The following NELL1 variants were observed in gnomAD, a reference collection of about 807,000 sequenced individuals.
NELL1 encodes protein kinase C-binding protein NELL1.
Under a neutral mutation model 107.4 loss-of-function variants are expected in NELL1, and 76 were observed. The observed-to-expected ratio is 0.71, with a 90% confidence interval of 0.59 to 0.86. The LOEUF is 0.86. NELL1 is among the 40% of genes least tolerant of loss of function. NELL1 has a pLI of 0.00. For missense variants in NELL1, 1,024 were observed against 1,005.5 expected (o/e 1.02, Z -0.25); for synonymous variants, 353 against 341.2 (o/e 1.03, Z -0.38).
chr11:20,997,780 C>G (rs988144838), intron 12 of NELL1, among the ~76,000 whole-genome samples: 9 of 151,922 alleles, frequency 5.9e-5, no homozygotes, highest in Non-Finnish European at 1.3e-4. Flanking sequence ...TCAGGACCAG[C>G]CTGGGTAACA....
intron 14 of NELL1, among the ~76,000 whole-genome samples, chr11:21,297,217 G>A (rs556204603): frequency 7.2e-5 from 11 of 152,032 alleles, no homozygotes; most frequent in Non-Finnish European, 1.5e-4. Context: ...GGAAAGAAAT[G>A]CAAAGGAATT....
chr11:21,408,557 C>G (rs1457554329), intron 15 of NELL1, among the ~76,000 whole-genome samples: 1 of 152,022 alleles, frequency 6.6e-6, no homozygotes, highest in Admixed American at 6.6e-5. Context: ...ATTGTAGATT[C>G]TGGATATTAG....
chr11:20,780,701 T>A (rs1456645946), intron 2 of NELL1, among the ~76,000 whole-genome samples: 2 of 152,204 alleles, frequency 1.3e-5, no homozygotes, highest in Non-Finnish European at 2.9e-5. Context: ...AGAGAGACAT[T>A]AATGCAGAGT....
chr11:21,350,890 C>T (rs1013559197), intron 14 of NELL1, among the ~76,000 whole-genome samples: 3 of 152,044 alleles, frequency 2.0e-5, no homozygotes, highest in African/African-American at 7.2e-5. Flanking sequence ...AAAAATATGT[C>T]CAAGTCCTAA....
intron 13 of NELL1, among the ~76,000 whole-genome samples, chr11:21,172,408 T>C (rs1856626249): frequency 6.6e-6 from 1 of 151,884 alleles, no homozygotes; most frequent in African/African-American, 2.4e-5. Flanking sequence ...CAAGGTCTAG[T>C]GAAATGTGAC....
At chr11:21,379,983 G>T (rs1851572546) in intron 15 of NELL1, among the ~76,000 whole-genome samples, 1 of 152,052 alleles carries the variant, frequency 6.6e-6, no homozygotes, top group Non-Finnish European at 1.5e-5. Flanking sequence ...CCATAACAGA[G>T]AATACAATAT....
chr11:21,463,769 A>C (rs1013032236), intron 15 of NELL1, among the ~76,000 whole-genome samples: 1 of 152,108 alleles, frequency 6.6e-6, no homozygotes, highest in Admixed American at 6.6e-5. Flanking sequence ...TCTTCGGGTA[A>C]AGAATTCAGA....
rs1384349128 is a variant in NELL1, at chr11:21,026,098, C to T, written c.1300+65538C>T. 2.0e-5 allele frequency among the ~76,000 whole-genome samples: 3 copies of T among 152,138 alleles called. No homozygotes were observed. The East Asian group carries it at 5.8e-4, about 29-fold the overall frequency. On this transcript the variant is annotated intron_variant, in intron 12 of 19. Transcript: ENST00000357134. ...CTCTGTTATTGCATTAGTCTCTTAA[C>T]TCTTCTCTCTGTTTCTGCCCAATCT...
At chr11:20,796,650 C>T (rs1360915944) in intron 3 of NELL1, among the ~76,000 whole-genome samples, 1 of 151,996 alleles carries the variant, frequency 6.6e-6, no homozygotes, top group Non-Finnish European at 1.5e-5. Flanking sequence ...GACTATGATC[C>T]GAGTAGACCG....
rs542612486 is a variant in NELL1 at position 21,543,769 on chromosome 11, T to C, written c.1786+9255T>C. Among the ~76,000 whole-genome samples, 92 of 152,094 alleles carry C rather than the reference T, an allele frequency of 6.0e-4. 2 individuals are homozygous for C. In the South Asian group the frequency reaches 0.019, roughly 32 times the overall value. The stretch of plus-strand genomic sequence containing the variant: ...TGGGAAGACAAGCGCACCTCCTCCG[T>C]TTCGATGATAATCACTTCACAAAGT... On this transcript the variant is annotated intron_variant, in intron 16 of 19. Coordinates refer to ENST00000357134, the MANE Select transcript of NELL1 (RefSeq NM_006157.5).
intron 14 of NELL1, among the ~76,000 whole-genome samples, chr11:21,246,826 C>T (rs1303964155): frequency 6.6e-6 from 1 of 152,094 alleles, no homozygotes; most frequent in East Asian, 1.9e-4. Context: ...AGGCAAAAGG[C>T]ACACCTTACA....
chr11:20,833,054 G>A (rs1858046853), intron 3 of NELL1, among the ~76,000 whole-genome samples: 1 of 152,192 alleles, frequency 6.6e-6, no homozygotes, highest in African/African-American at 2.4e-5. Flanking sequence ...ATGGGACAGA[G>A]TGGTCTGTGT....
intron 14 of NELL1, chr11:21,284,748 C>A (rs747534154): frequency 1.2e-5 from 4 of 345,716 alleles, no homozygotes; most frequent in South Asian, 4.4e-5. Context: ...CAATACAAAT[C>A]TGGCAAACCC....
intron 15 of NELL1, among the ~76,000 whole-genome samples, chr11:21,484,850 T>C (rs1175093218): frequency 6.6e-6 from 1 of 152,108 alleles, no homozygotes; most frequent in East Asian, 1.9e-4. Context: ...TTAGTACACA[T>C]GTCTTCCATG....
At chr11:21,211,206 A>G (rs1857489828) in intron 13 of NELL1, among the ~76,000 whole-genome samples, 1 of 152,202 alleles carries the variant, frequency 6.6e-6, no homozygotes, top group African/African-American at 2.4e-5. Context: ...TGCCTCACTC[A>G]AGGAAATTAA....
intron 15 of NELL1, among the ~76,000 whole-genome samples, chr11:21,487,444 T>C (rs559245413): frequency 6.7e-6 from 1 of 148,548 alleles, no homozygotes; most frequent in South Asian, 2.2e-4. Context: ...CCTACTAAAA[T>C]TGATTAAGGG....
At chr11:21,226,795 A>G (rs188616030) in intron 13 of NELL1, among the ~76,000 whole-genome samples, 192 of 152,344 alleles carry the variant, frequency 1.3e-3, no homozygotes, top group African/African-American at 4.5e-3. Flanking sequence ...TTCATGGTCT[A>G]GAGAAAAAGT....
rs562309458 is a variant in NELL1, at chr11:21,338,864, C to A, written c.1550-31989C>A. ...TTGGTCTCAGTGATCCAGGGATGGG[C>A]TTTAGGAAGCCTGTGAATCCCCAGA... On this transcript the variant is annotated intron_variant, in intron 14 of 19. Transcript: ENST00000357134. 2.0e-5 allele frequency among the ~76,000 whole-genome samples: 3 copies of A among 152,204 alleles called. No homozygotes were observed. The South Asian group carries it at 6.2e-4, about 32-fold the overall frequency.
At chr11:21,338,676 G>A (rs1042334187) in intron 14 of NELL1, among the ~76,000 whole-genome samples, 9 of 146,526 alleles carry the variant, frequency 6.1e-5, no homozygotes, top group Non-Finnish European at 1.0e-4. Flanking sequence ...GAATTGTCTT[G>A]CACGGAGGAA....
Sources: allele counts gnomAD v4.1 joint callset (sites outside exome capture counted in the v4.1 genomes callset), GRCh38; gene constraint gnomAD v4.1.1; transcripts MANE v1.5; gene names NCBI Gene and HGNC (gene_info 2026-07-23, HGNC 2026-07-21).